CRYBG3: variants seen among roughly 807,000 people sequenced by gnomAD.
The protein encoded by CRYBG3 is crystallin beta-gamma domain containing 3.
CRYBG3 carries 127 observed loss-of-function variants against 244.2 expected under a neutral mutation model. The ratio of observed to expected loss-of-function variants is 0.52; its 90% CI spans 0.45 to 0.60. CRYBG3 has a LOEUF of 0.60. Among genes scored for constraint, CRYBG3 ranks in the 20% least tolerant of loss-of-function variants. The pLI, the probability that CRYBG3 is intolerant of heterozygous loss-of-function variation, is 0.00. For synonymous variants in CRYBG3, 1,132 were observed against 1,195.8 expected (o/e 0.95, Z 1.10); for missense variants, 3,325 against 3,442.5 (o/e 0.97, Z 0.85).
chr3:97,824,001 C>T (rs547364582), intron 1 of CRYBG3, among the ~76,000 whole-genome samples: 1 of 152,188 alleles, frequency 6.6e-6, no homozygotes, highest in Non-Finnish European at 1.5e-5. Context: ...GGCTTTTCAA[C>T]GATGAAGATT....
At chr3:97,894,483 T>C (rs1023889181) in intron 11 of CRYBG3, among the ~76,000 whole-genome samples, 3 of 152,164 alleles carry the variant, frequency 2.0e-5, no homozygotes, top group African/African-American at 7.2e-5. Context: ...ATGGACTCCA[T>C]CCCTGTACCA....
At chr3:97,878,825 C>T (rs1246578274) in intron 4 of CRYBG3, among the ~76,000 whole-genome samples, 1 of 152,160 alleles carries the variant, frequency 6.6e-6, no homozygotes, top group Non-Finnish European at 1.5e-5. Flanking sequence ...GAACTGAAAA[C>T]TTTATAGCTG....
intron 2 of CRYBG3, among the ~76,000 whole-genome samples, chr3:97,848,470 T>A (rs1044476220): frequency 6.6e-6 from 1 of 151,658 alleles, no homozygotes; most frequent in Admixed American, 6.6e-5. Flanking sequence ...CTCGGCTAAT[T>A]TTTTGTATTT....
chr3:97,864,826 A>T lies in CRYBG3; in HGVS notation c.647+179A>T, dbSNP rs149182794. On this transcript the variant is annotated intron_variant, in intron 3 of 21. Transcript: ENST00000389622. ...ACAAGTAATCAATCATGGTACAGAG[A>T]ACCATACAGGTAATCTAGGGCCTGC... Among the ~76,000 whole-genome samples, 1,445 of 152,216 alleles carry T rather than the reference A, an allele frequency of 9.5e-3. 22 individuals carry two copies. Among genetic ancestry groups the T allele is most frequent in the African/African-American group, 0.033 (1,360 of 41,536 alleles).
chr3:97,847,448 T>A lies in CRYBG3; in HGVS notation c.216+4187T>A, dbSNP rs191584067. On this transcript the variant is annotated intron_variant, in intron 2 of 21. Coordinates refer to ENST00000389622, the MANE Select transcript of CRYBG3 (RefSeq NM_153605.4). The stretch of plus-strand genomic sequence containing the variant: ...TTAAGTCACTTGACACAACTCCCAC[T>A]GATAATGAACAGAGGCAAGAGAATT... Among the ~76,000 whole-genome samples the A allele has an allele frequency of 2.6e-4, 40 of 152,334 alleles. No homozygotes were observed. The East Asian group carries it at 7.7e-3, about 29-fold the overall frequency.
At chr3:97,889,457 T>A in intron 10 of CRYBG3, 67 bp downstream of exon 10, 1 of 1,291,356 alleles carries the variant, frequency 7.7e-7, no homozygotes, top group Non-Finnish European at 1.1e-6. Context: ...TCCAATAATT[T>A]TGAAACATTG....
intron 1 of CRYBG3, among the ~76,000 whole-genome samples, chr3:97,829,330 A>T (rs1468327991): frequency 1.3e-5 from 2 of 152,180 alleles, no homozygotes; most frequent in African/African-American, 4.8e-5. Context: ...TTAATCTCTA[A>T]TGTGAAACTG....
At chr3:97,831,007 C>G (rs2038647292) in intron 1 of CRYBG3, among the ~76,000 whole-genome samples, 1 of 152,050 alleles carries the variant, frequency 6.6e-6, no homozygotes, top group South Asian at 2.1e-4. Context: ...GATGTGAGTT[C>G]ACTAAGAAAT....
At chr3:97,869,073 A>G (rs2039270854) in intron 3 of CRYBG3, among the ~76,000 whole-genome samples, 2 of 150,060 alleles carry the variant, frequency 1.3e-5, no homozygotes. Context: ...AGGCTTTTGT[A>G]TTTTCTGAAT....
At chr3:97,893,057 G>A (rs773230905) in intron 11 of CRYBG3, 64 bp downstream of exon 11, 311 of 1,369,918 alleles carry the variant, frequency 2.3e-4, no homozygotes, top group South Asian at 2.6e-4. Context: ...ACAAAAATGT[G>A]CTAAGCAAAG....
At position 97,895,943 on chromosome 3, in the gene CRYBG3, T is replaced by A; in HGVS notation, c.7575-16T>A. 6.2e-7 allele frequency: 1 copy of A among 1,607,858 alleles called. No homozygotes were observed. The highest frequency in any genetic ancestry group is 1.1e-5 in the South Asian group (1 of 90,644). On this transcript the variant is annotated splice_polypyrimidine_tract_variant and intron_variant, in intron 11 of 21. Transcript: ENST00000389622. ...GTTTTATTAATGGGTCATTTGGGTG[T>A]CCCCTGTATTTCTAGGTGGGTTGCC... is the stretch of plus-strand genomic sequence containing the variant.
intron 2 of CRYBG3, among the ~76,000 whole-genome samples, chr3:97,854,390 ATGG>A (rs2108189427): frequency 6.6e-6 from 1 of 152,062 alleles, no homozygotes; most frequent in East Asian, 1.9e-4. Flanking sequence ...ATGAAGAATG[ATGG>A]TGGTATTTTG....
At chr3:97,923,774 T>C (rs796854791) in intron 17 of CRYBG3, among the ~76,000 whole-genome samples, 1 of 152,112 alleles carries the variant, frequency 6.6e-6, no homozygotes, top group Non-Finnish European at 1.5e-5. Flanking sequence ...TAAGTTTTTT[T>C]CCTAGGAATT....
chr3:97,931,568 C>T (rs1282983436), intron 17 of CRYBG3, among the ~76,000 whole-genome samples: 2 of 152,204 alleles, frequency 1.3e-5, no homozygotes, highest in Admixed American at 1.3e-4. Context: ...TTCCCTGGAA[C>T]TCCAGATCAA....
chr3:97,874,756 C>T lies in CRYBG3; in HGVS notation c.3562C>T (p.Gln1188Ter). The T allele has an allele frequency of 6.5e-7, 1 of 1,535,906 alleles. No homozygotes were observed. The highest frequency in any genetic ancestry group is 8.7e-7 in the Non-Finnish European group (1 of 1,146,852). The change falls in exon 4 of 22, where the codon CAA becomes TAA. Residue 1188 changes from glutamine to a stop codon, truncating the protein, a stop_gained. Transcript: ENST00000389622. LOFTEE classifies it high-confidence loss of function. ...AGAAGCCAGGAGAAGAGCACATGAC[C>T]AACTTTTGGACCTCAAAAGTAGTTT... ...HIEARRRAHD[Q>*]LLDLKSSLLK...
At chr3:97,913,983 G>T (rs1171218917) in intron 16 of CRYBG3, among the ~76,000 whole-genome samples, 2 of 151,976 alleles carry the variant, frequency 1.3e-5, no homozygotes, top group Non-Finnish European at 2.9e-5. Flanking sequence ...TTACCTGTGT[G>T]GTCTCCTGCA....
chr3:97,914,541 C>T (rs901223316), intron 16 of CRYBG3, among the ~76,000 whole-genome samples: 9 of 152,170 alleles, frequency 5.9e-5, no homozygotes, highest in Non-Finnish European at 1.2e-4. Context: ...TGTGAGAGAC[C>T]TGGATTTGAG....
In CRYBG3 at chr3:97,822,163, G is replaced by A. The variant is rs1209718266; in HGVS notation, c.-44G>A. On this transcript the variant is annotated 5_prime_UTR_variant, in exon 1 of 22. Transcript: ENST00000389622. ...GCTCCGGGCACCAGGCAACACCTAG[G>A]CCGTTCCCTTCAGACAGCCCCGGGC... 1.4e-6 allele frequency: 2 copies of A among 1,467,146 alleles called. No individual in the cohort carries two copies. The highest frequency in any genetic ancestry group is 2.6e-5 in the East Asian group (1 of 38,230). 90.9% of individuals were successfully genotyped at this position (1,467,146 alleles called of 1,614,324 possible).
In CRYBG3 at chr3:97,875,887, C is replaced by T; in HGVS notation, c.4693C>T (p.Pro1565Ser). 4.1e-6 allele frequency: 5 copies of T among 1,231,792 alleles called. No homozygotes were observed. Among genetic ancestry groups the T allele is most frequent in the Non-Finnish European group, 5.1e-6 (5 of 987,854 alleles). 76.3% of individuals were successfully genotyped at this position (1,231,792 alleles called of 1,614,324 possible). ...GAATATTCTGAAATATGAGGCAGTC[C>T]CTCCTATGATAGAAATGGGAAGAAT... ...ELNILKYEAV[P>S]PMIEMGRIHK... Residue 1565 changes from proline to serine, a missense_variant, in exon 4 of 22, where the codon CCT (proline) becomes TCT (serine). This residue lies in a region of CRYBG3 where 635 missense variants were observed against 771.7 expected (regional missense o/e 0.82). Coordinates refer to ENST00000389622, the MANE Select transcript of CRYBG3 (RefSeq NM_153605.4).
Sources: allele counts gnomAD v4.1 joint callset (sites outside exome capture counted in the v4.1 genomes callset), GRCh38; gene constraint gnomAD v4.1.1; regional missense constraint gnomAD v4.1.1; transcripts MANE v1.5; gene names NCBI Gene and HGNC (gene_info 2026-07-23, HGNC 2026-07-21).